Variants in AGAP1 observed in about 807,000 individuals in gnomAD.
The protein encoded by AGAP1 is ArfGAP with GTPase domain, ankyrin repeat and PH domain 1.
A neutral mutation model predicts 105.3 loss-of-function variants in AGAP1; 29 were observed. The observed-to-expected ratio is 0.28, with a 90% CI of 0.21 to 0.38. The LOEUF (loss-of-function observed/expected upper bound fraction) is 0.38. Ranked by LOEUF, AGAP1 falls within the 10% of genes least tolerant of loss-of-function variation. AGAP1 has a pLI of 1.00. For synonymous variants in AGAP1, 509 were observed against 485.9 expected, an observed-to-expected ratio of 1.05 and a Z score of -0.63; for missense variants, 998 against 1,165.1, an observed-to-expected ratio of 0.86 and a Z score of 2.09.
intron 1 of AGAP1, among the ~76,000 whole-genome samples, chr2:235,588,087 G>A (rs1199476697): frequency 1.3e-5 from 2 of 151,936 alleles, no homozygotes; most frequent in African/African-American, 2.4e-5. Flanking sequence ...AAAATCAGTC[G>A]GGCATGGTGG....
chr2:235,791,422 T>C (rs1024244137), intron 6 of AGAP1, among the ~76,000 whole-genome samples: 8 of 152,196 alleles, frequency 5.3e-5, no homozygotes, highest in African/African-American at 1.7e-4. Context: ...TTCTTTTCTT[T>C]TCTTTTTTTT....
intron 1 of AGAP1, among the ~76,000 whole-genome samples, chr2:235,706,326 G>T (rs369864152): frequency 6.6e-6 from 1 of 152,162 alleles, no homozygotes; most frequent in Non-Finnish European, 1.5e-5. Flanking sequence ...CTGGGTTGAT[G>T]CCATTCTCCT....
chr2:235,570,114 A>T (rs892588039), intron 1 of AGAP1, among the ~76,000 whole-genome samples: 1 of 151,824 alleles, frequency 6.6e-6, no homozygotes, highest in African/African-American at 2.4e-5. Context: ...CATTTTCTTC[A>T]CAGGGAGTTC....
chr2:235,605,744 T>C (rs143974026), intron 1 of AGAP1, among the ~76,000 whole-genome samples: 1 of 152,334 alleles, frequency 6.6e-6, no homozygotes, highest in East Asian at 1.9e-4. Flanking sequence ...GGTCAGCACA[T>C]TTTTGTTGTC....
Position 235,796,687 on chromosome 2 carries a change from A to G in AGAP1, c.674-1072A>G, listed in dbSNP as rs372607630. 1.2e-4 allele frequency among the ~76,000 whole-genome samples: 18 copies of G among 152,356 alleles called. No individual in the cohort carries two copies. In the East Asian group the frequency reaches 3.3e-3, roughly 28 times the overall value. On this transcript the variant is annotated intron_variant, in intron 6 of 17. Transcript: ENST00000304032. ...TTCATTTGGAAAAGAAATTATCTGC[A>G]AACACTATATGGGCCCCGTCTACGT...
Position 235,642,124 on chromosome 2 carries a change from C to T in AGAP1, c.164-67055C>T, listed in dbSNP as rs1947217737. On this transcript the variant is annotated intron_variant, in intron 1 of 17. Transcript: ENST00000304032. This position sits in a 1 kb window ranked among gnomAD's most constrained non-coding sequence, Gnocchi z 4.1. The stretch of plus-strand genomic sequence containing the variant: ...TTTTTACCTTACTTCCCCAGGGGCC[C>T]TCCAGAGGGTGCCCATCCACGGAGT... Among the ~76,000 whole-genome samples, 1 of 152,218 alleles carries T rather than the reference C, an allele frequency of 6.6e-6. No homozygotes were observed. Among genetic ancestry groups the T allele is most frequent in the African/African-American group, 2.4e-5 (1 of 41,456 alleles).
rs768873280 is a variant in AGAP1, at chr2:235,968,565, C to T, written c.1587C>T (p.His529=). Residue 529 remains histidine (H), a synonymous_variant, in exon 13 of 18, where the codon CAC becomes CAT. Coordinates refer to ENST00000304032, the MANE Select transcript of AGAP1 (RefSeq NM_001037131.3). ...PPSPHANRKK[H]RRKKSTSNFK... is the part of the protein sequence containing the mutation. ...CCCCTCACGCCAACAGAAAGAAGCA[C>T]CGAAGGAAGAAAAGCACTAGCAACT... 1.5e-6 allele frequency: 2 copies of T among 1,371,740 alleles called. No individual in the cohort carries two copies. The highest frequency in any genetic ancestry group is 3.2e-5 in the African/African-American group (2 of 62,534). 85.0% of individuals were successfully genotyped at this position (1,371,740 alleles called of 1,614,324 possible).
At chr2:235,670,119 G>A (rs1195593081) in intron 1 of AGAP1, 7 of 558,104 alleles carry the variant, frequency 1.3e-5, no homozygotes, top group Non-Finnish European at 2.3e-5. Flanking sequence ...TTGGACGGCA[G>A]TGGCGAGCCC....
At chr2:236,025,261 G>T (rs903564229) in intron 13 of AGAP1, among the ~76,000 whole-genome samples, 1 of 152,174 alleles carries the variant, frequency 6.6e-6, no homozygotes, top group South Asian at 2.1e-4. Flanking sequence ...TGCTCGTTCT[G>T]CACGTTTGAA....
At chr2:235,643,454 A>G (rs1210989236) in intron 1 of AGAP1, among the ~76,000 whole-genome samples, 1 of 151,024 alleles carries the variant, frequency 6.6e-6, no homozygotes, top group Non-Finnish European at 1.5e-5. Context: ...AAAAAAAAAA[A>G]AAAAAAGAAA....
intron 8 of AGAP1, among the ~76,000 whole-genome samples, chr2:235,802,982 GATGGTT>G (rs1276396658): frequency 1.3e-5 from 2 of 151,930 alleles, no homozygotes; most frequent in Non-Finnish European, 2.9e-5. Flanking sequence ...TTGTGGTTGT[GATGGTT>G]GTGATGGTGG....
At chr2:235,524,346 C>T (rs1942747685) in intron 1 of AGAP1, 1 of 174,112 alleles carries the variant, frequency 5.7e-6, no homozygotes, top group African/African-American at 2.4e-5. Context: ...AGGAACAGGA[C>T]AGGGTGGTTA....
intron 1 of AGAP1, among the ~76,000 whole-genome samples, chr2:235,644,754 A>AATCATAG (rs1373784589): frequency 2.6e-5 from 4 of 152,286 alleles, no homozygotes; most frequent in African/African-American, 9.6e-5. Context: ...TTGGTCCACT[A>AATCATAG]TGATCCATGG....
intron 1 of AGAP1, among the ~76,000 whole-genome samples, chr2:235,673,081 T>A (rs1948523981): frequency 6.6e-6 from 1 of 152,198 alleles, no homozygotes; most frequent in African/African-American, 2.4e-5. Context: ...AATCACATGC[T>A]CAAAAAAGCT....
intron 6 of AGAP1, 107 bp from the exon 7 acceptor site, chr2:235,797,652 C>A: frequency 7.0e-7 from 1 of 1,422,966 alleles, no homozygotes. Context: ...GCTATTACTG[C>A]GAAAGAAGGA....
At chr2:235,679,557 T>G (rs1948949400) in intron 1 of AGAP1, among the ~76,000 whole-genome samples, 1 of 152,242 alleles carries the variant, frequency 6.6e-6, no homozygotes, top group Non-Finnish European at 1.5e-5. Context: ...TCCTTTGGCT[T>G]AATCCCCTTC....
chr2:235,689,532 G>C lies in AGAP1; in HGVS notation c.164-19647G>C, dbSNP rs1052865479. Among the ~76,000 whole-genome samples the C allele has an allele frequency of 1.6e-4, 24 of 152,236 alleles. 1 individual carries two copies. The highest frequency in any genetic ancestry group is 5.5e-4 in the African/African-American group (23 of 41,458). ...AAGCCAGAGAAAGATGGTACTGTGTGGTGGGGAATTCTGAAAGTCTTAAGT... is the reference window on the plus strand; with the variant it reads ...AAGCCAGAGAAAGATGGTACTGTGTCGTGGGGAATTCTGAAAGTCTTAAGT... On this transcript the variant is annotated intron_variant, in intron 1 of 17. Transcript: ENST00000304032. This position sits in a 1 kb window ranked among gnomAD's most constrained non-coding sequence, Gnocchi z 4.2.
chr2:235,974,944 T>G (rs2054796545), intron 13 of AGAP1, among the ~76,000 whole-genome samples: 1 of 152,200 alleles, frequency 6.6e-6, no homozygotes, highest in Non-Finnish European at 1.5e-5. Flanking sequence ...TGCAAGAAAC[T>G]GTAACGAGGA....
In AGAP1 at chr2:236,123,790, C is replaced by G; in HGVS notation, c.2371-129C>G. The G allele has an allele frequency of 1.7e-6, 2 of 1,178,408 alleles. No individual in the cohort carries two copies. Among genetic ancestry groups the G allele is most frequent in the South Asian group, 1.5e-5 (1 of 68,674 alleles). The allele number at this position is 1,178,408 out of a possible 1,614,324, so 73.0% of individuals were successfully genotyped here. ...ACCAGCACTGGATGGTCCTGGCACC[C>G]CAGCCAGTTGTGTAGCTGGCCCCGC... is the stretch of plus-strand genomic sequence containing the variant. On this transcript the variant is annotated intron_variant, in intron 17 of 17. Transcript: ENST00000304032. The surrounding 1 kb of genome is among the most constrained non-coding windows in gnomAD (Gnocchi z 4.6).
Sources: allele counts gnomAD v4.1 joint callset (sites outside exome capture counted in the v4.1 genomes callset), GRCh38; gene constraint gnomAD v4.1.1; non-coding constraint Gnocchi (gnomAD v3.1); transcripts MANE v1.5; gene names NCBI Gene and HGNC (gene_info 2026-07-23, HGNC 2026-07-21).